Variants in DPYD observed in about 807,000 individuals in gnomAD.
The protein encoded by DPYD is dihydropyrimidine dehydrogenase.
In DPYD, 109 loss-of-function variants were observed where a neutral mutation model predicts 116.2. The ratio of observed to expected loss-of-function variants is 0.94; its 90% CI spans 0.80 to 1.10. The LOEUF is 1.10. DPYD is among the 50% of genes least tolerant of loss of function. The probability of loss-of-function intolerance (pLI) is 0.00; values close to 1 mark genes in which losing one functional copy is unlikely to be tolerated. For missense variants in DPYD, 1,302 were observed against 1,254.5 expected, an observed-to-expected ratio of 1.04 and a Z score of -0.57; for synonymous variants, 440 against 432.0, an observed-to-expected ratio of 1.02 and a Z score of -0.23.
At chr1:97,208,435 C>T (rs1007711606) in intron 19 of DPYD, among the ~76,000 whole-genome samples, 1 of 151,700 alleles carries the variant, frequency 6.6e-6, no homozygotes, top group African/African-American at 2.4e-5. Context: ...CAGGCGCATG[C>T]CACCATGCTT....
intron 2 of DPYD, among the ~76,000 whole-genome samples, chr1:97,862,555 G>A (rs1671171240): frequency 6.6e-6 from 1 of 151,714 alleles, no homozygotes; most frequent in Admixed American, 6.6e-5. Context: ...ATATTCACCA[G>A]TATCTAAAAT....
chr1:97,264,236 C>A (rs1372490847), intron 18 of DPYD, among the ~76,000 whole-genome samples: 1 of 123,250 alleles, frequency 8.1e-6, no homozygotes, highest in Non-Finnish European at 1.6e-5. Flanking sequence ...GTGCAGAACT[C>A]ATTGCAGCCT....
At chr1:97,181,886 T>C (rs551199441) in intron 20 of DPYD, among the ~76,000 whole-genome samples, 4 of 152,298 alleles carry the variant, frequency 2.6e-5, no homozygotes, top group South Asian at 2.1e-4. Flanking sequence ...AGGATTTCTC[T>C]TTTTTATCAC....
At chr1:97,817,576 G>A (rs1226652916) in intron 3 of DPYD, among the ~76,000 whole-genome samples, 1 of 151,954 alleles carries the variant, frequency 6.6e-6, no homozygotes, top group East Asian at 1.9e-4. Context: ...ATTAGAACGA[G>A]TAATAAAAAA....
intron 1 of DPYD, among the ~76,000 whole-genome samples, chr1:97,912,245 C>T (rs992848992): frequency 6.6e-6 from 1 of 152,076 alleles, no homozygotes; most frequent in African/African-American, 2.4e-5. Flanking sequence ...AGCCAACACT[C>T]TCAAGTGTAT....
chr1:97,337,976 C>T (rs1669387391), intron 16 of DPYD, among the ~76,000 whole-genome samples: 2 of 152,126 alleles, frequency 1.3e-5, no homozygotes, highest in Admixed American at 1.3e-4. Context: ...TACTTAGTAC[C>T]ATTGACAACT....
At chr1:97,641,923 G>A (rs914512175) in intron 8 of DPYD, among the ~76,000 whole-genome samples, 1 of 152,140 alleles carries the variant, frequency 6.6e-6, no homozygotes, top group Non-Finnish European at 1.5e-5. Flanking sequence ...AAAAATCAAT[G>A]TGCAAAAATC....
chr1:97,466,241 A>G (rs1677315974), intron 13 of DPYD, among the ~76,000 whole-genome samples: 1 of 152,176 alleles, frequency 6.6e-6, no homozygotes, highest in Non-Finnish European at 1.5e-5. Flanking sequence ...CCTAAAAATA[A>G]ATTGATTCCT....
chr1:97,405,597 C>A (rs554493278), intron 14 of DPYD, among the ~76,000 whole-genome samples: 7 of 152,030 alleles, frequency 4.6e-5, no homozygotes, highest in Non-Finnish European at 1.0e-4. Context: ...CTCATGGCAA[C>A]CTCTGCCTCC....
At chr1:97,790,934 T>C (rs994363507) in intron 3 of DPYD, among the ~76,000 whole-genome samples, 9 of 152,226 alleles carry the variant, frequency 5.9e-5, no homozygotes, top group Non-Finnish European at 1.0e-4. Context: ...TATTAAACTA[T>C]TGAAAGACAT....
At chr1:97,720,648 A>G in intron 5 of DPYD, 2 of 1,281,452 alleles carry the variant, frequency 1.6e-6, no homozygotes, top group Non-Finnish European at 2.0e-6. Context: ...GAAGGGTCCC[A>G]AAATGAAAGA....
intron 16 of DPYD, among the ~76,000 whole-genome samples, chr1:97,340,347 A>T (rs1669529509): frequency 2.6e-5 from 4 of 152,146 alleles, no homozygotes; most frequent in Admixed American, 2.6e-4. Flanking sequence ...ACTATATATC[A>T]AACAAGAAAA....
At chr1:97,409,717 A>G (rs1025845386) in intron 14 of DPYD, among the ~76,000 whole-genome samples, 3 of 152,034 alleles carry the variant, frequency 2.0e-5, no homozygotes, top group African/African-American at 7.2e-5. Flanking sequence ...TCAACCTTAT[A>G]TATTCTTCCC....
At chr1:97,401,054 C>T (rs1232748869) in intron 14 of DPYD, among the ~76,000 whole-genome samples, 1 of 151,974 alleles carries the variant, frequency 6.6e-6, no homozygotes, top group Non-Finnish European at 1.5e-5. Flanking sequence ...TTTGCATTTC[C>T]CTCCTGACAT....
intron 2 of DPYD, among the ~76,000 whole-genome samples, chr1:97,835,382 CATT>C (rs1191022230): frequency 6.6e-6 from 1 of 151,950 alleles, no homozygotes; most frequent in Non-Finnish European, 1.5e-5. Flanking sequence ...ATTGTTCAAA[CATT>C]ATTACATATT....
intron 5 of DPYD, among the ~76,000 whole-genome samples, chr1:97,714,353 A>C (rs547596201): frequency 6.0e-4 from 91 of 151,914 alleles, no homozygotes; most frequent in African/African-American, 2.1e-3. Context: ...GCTGGGACTA[A>C]AGGTGCACAC....
At chr1:97,742,495 A>C (rs1311426622) in intron 3 of DPYD, among the ~76,000 whole-genome samples, 1 of 152,106 alleles carries the variant, frequency 6.6e-6, no homozygotes, top group African/African-American at 2.4e-5. Flanking sequence ...TCATTTCTCT[A>C]AATGCCATTG....
chr1:97,189,378 T>A (rs1473706547), intron 20 of DPYD, among the ~76,000 whole-genome samples: 1 of 152,202 alleles, frequency 6.6e-6, no homozygotes, highest in Non-Finnish European at 1.5e-5. Context: ...AAGTGATCAT[T>A]AGTTTTTGGC....
Position 97,184,842 on chromosome 1 carries a change from G to A in DPYD, c.2622+8227C>T, listed in dbSNP as rs751738345. ...CCATCTGCAAATAAAGACAGTGCAA[G>A]CCCATTTTTTTCCAATGTAAATATC... On this transcript the variant is annotated intron_variant, in intron 20 of 22. Coordinates refer to ENST00000370192, the MANE Select transcript of DPYD (RefSeq NM_000110.4). Among the ~76,000 whole-genome samples the A allele has an allele frequency of 4.3e-4, 66 of 152,036 alleles. 1 individual carries two copies. Among genetic ancestry groups the A allele is most frequent in the Admixed American group, 1.3e-4 (2 of 15,234 alleles).
Sources: gnomAD v4.1 joint callset for allele counts (sites outside exome capture counted in the v4.1 genomes callset) on GRCh38, gnomAD v4.1.1 for gene constraint, MANE v1.5 for transcripts, NCBI Gene and HGNC (gene_info 2026-07-23, HGNC 2026-07-21) for gene names.